PRKACB: variants seen among roughly 807,000 people sequenced by gnomAD.
PRKACB encodes protein kinase cAMP-activated catalytic subunit beta.
In PRKACB, 16 loss-of-function variants were observed where a neutral mutation model predicts 51.4. The observed-to-expected ratio is 0.31, with a 90% CI of 0.21 to 0.47. PRKACB has a LOEUF of 0.47. Ranked by LOEUF, PRKACB falls within the 20% of genes least tolerant of loss-of-function variation. The pLI is 1.00. For missense variants in PRKACB, 309 were observed against 464.5 expected, an observed-to-expected ratio of 0.67 and a Z score of 3.08; for synonymous variants, 147 against 154.4, an observed-to-expected ratio of 0.95 and a Z score of 0.35.
intron 1 of PRKACB, among the ~76,000 whole-genome samples, chr1:84,150,287 T>G (rs1654681184): frequency 6.6e-6 from 1 of 151,880 alleles, no homozygotes; most frequent in African/African-American, 2.4e-5. Flanking sequence ...CAAAATAAAT[T>G]AAAATAAAAT....
intron 9 of PRKACB, among the ~76,000 whole-genome samples, chr1:84,234,353 A>C (rs1053194818): frequency 3.3e-5 from 5 of 152,106 alleles, no homozygotes; most frequent in African/African-American, 9.6e-5. Flanking sequence ...TGCAGAGGTT[A>C]CTGCTGTCTT....
At chr1:84,138,654 A>G (rs954038753) in intron 1 of PRKACB, among the ~76,000 whole-genome samples, 3 of 152,228 alleles carry the variant, frequency 2.0e-5, no homozygotes, top group African/African-American at 7.2e-5. Flanking sequence ...GAAAAATATA[A>G]GACAGAATAC....
At chr1:84,208,474 CA>C (rs751617425) in intron 8 of PRKACB, among the ~76,000 whole-genome samples, 2 of 152,142 alleles carry the variant, frequency 1.3e-5, no homozygotes, top group Non-Finnish European at 2.9e-5. Flanking sequence ...CTCACTTTAT[CA>C]AACTTAGGAC....
rs781659021 is a variant in PRKACB, at chr1:84,192,929, G to A, written c.561-3687G>A. ...ATACGTAAGAGCCAACTAAACACAG[G>A]TGCTGAATACACAAGGCCAAATAAA... On this transcript the variant is annotated intron_variant, in intron 5 of 9. Coordinates refer to ENST00000370685, the MANE Select transcript of PRKACB (RefSeq NM_182948.4). Among the ~76,000 whole-genome samples, 158 of 152,174 alleles carry A rather than the reference G, an allele frequency of 1.0e-3. 2 individuals are homozygous for A. The highest frequency in any genetic ancestry group is 2.4e-4 in the Non-Finnish European group (16 of 68,010).
intron 7 of PRKACB, among the ~76,000 whole-genome samples, chr1:84,201,745 C>T (rs1252833883): frequency 6.6e-6 from 1 of 151,940 alleles, no homozygotes; most frequent in South Asian, 2.1e-4. Context: ...AGCAATAGAT[C>T]TGGGTAGAAT....
chr1:84,078,231 G>A, exon 1 of PRKACB: 6 of 1,404,216 alleles, frequency 4.3e-6, no homozygotes, highest in Admixed American at 2.1e-5. Context: ...CGCTCTGACG[G>A]GTGCAGACGC....
chr1:84,189,773 CA>C (rs1666209298), intron 5 of PRKACB, among the ~76,000 whole-genome samples: 1 of 151,890 alleles, frequency 6.6e-6, no homozygotes, highest in Admixed American at 6.6e-5. Context: ...GTCAAAGAAA[CA>C]GATTTTATAA....
At chr1:84,208,673 G>A (rs1671704291) in intron 8 of PRKACB, among the ~76,000 whole-genome samples, 1 of 152,050 alleles carries the variant, frequency 6.6e-6, no homozygotes, top group Admixed American at 6.6e-5. Flanking sequence ...TTCAGTTTCA[G>A]ATCATTAAAA....
intron 9 of PRKACB, among the ~76,000 whole-genome samples, chr1:84,215,842 A>G (rs901541142): frequency 6.6e-6 from 1 of 152,146 alleles, no homozygotes; most frequent in African/African-American, 2.4e-5. Flanking sequence ...TTGCATGAAT[A>G]AAGTGTTTTC....
At chr1:84,144,229 C>G, upstream of PRKACB, 1 of 1,450,818 alleles carries the variant, frequency 6.9e-7, no homozygotes, top group African/African-American at 1.5e-5. Context: ...GGAAACAGAA[C>G]AGCAGTAGTG....
intron 1 of PRKACB, among the ~76,000 whole-genome samples, chr1:84,146,491 T>TTTA (rs1274481928): frequency 6.6e-6 from 1 of 151,954 alleles, no homozygotes; most frequent in South Asian, 2.1e-4. Context: ...AAACACAATT[T>TTTA]TTATTTATTT....
chr1:84,162,230 C>T (rs1656282820), intron 1 of PRKACB, among the ~76,000 whole-genome samples: 1 of 151,966 alleles, frequency 6.6e-6, no homozygotes, highest in Non-Finnish European at 1.5e-5. Flanking sequence ...TTTCTCCTTA[C>T]CTTTCAACAA....
At chr1:84,188,876 G>A (rs895220202) in intron 5 of PRKACB, among the ~76,000 whole-genome samples, 6 of 151,762 alleles carry the variant, frequency 4.0e-5, no homozygotes, top group African/African-American at 9.7e-5. Context: ...TGGTCAAAAC[G>A]GAGTAACAGG....
At chr1:84,111,005 T>C (rs11808541) in intron 1 of PRKACB, among the ~76,000 whole-genome samples, 360 of 152,178 alleles carry the variant, frequency 2.4e-3, no homozygotes, top group African/African-American at 8.1e-3. Context: ...TTCAGGTCTT[T>C]ATCACCCTTT....
chr1:84,135,863 GAA>G (rs1206009854), intron 1 of PRKACB, among the ~76,000 whole-genome samples: 2 of 151,150 alleles, frequency 1.3e-5, no homozygotes, highest in Non-Finnish European at 3.0e-5. Flanking sequence ...ACTAGAGAAA[GAA>G]GAGCAATTTA....
chr1:84,159,194 A>T (rs1209160469), intron 1 of PRKACB, among the ~76,000 whole-genome samples: 1 of 152,150 alleles, frequency 6.6e-6, no homozygotes, highest in African/African-American at 2.4e-5. Flanking sequence ...AGATTTTCAT[A>T]GAGATTATAT....
chr1:84,230,035 A>G (rs1675341663), intron 9 of PRKACB, among the ~76,000 whole-genome samples: 1 of 151,662 alleles, frequency 6.6e-6, no homozygotes, highest in African/African-American at 2.4e-5. Flanking sequence ...GGTAATGCCT[A>G]GGTTTTCTTC....
intron 1 of PRKACB, among the ~76,000 whole-genome samples, chr1:84,128,743 A>G (rs1651886357): frequency 6.6e-6 from 1 of 152,176 alleles, no homozygotes. Flanking sequence ...ACCAAAGATT[A>G]TAGAGGTAAC....
intron 5 of PRKACB, among the ~76,000 whole-genome samples, chr1:84,186,368 G>A (rs993977914): frequency 1.3e-4 from 20 of 151,958 alleles, no homozygotes; most frequent in Non-Finnish European, 2.5e-4. Flanking sequence ...AGAGGTGTCC[G>A]CCACCACATC....
Sources: allele counts gnomAD v4.1 joint callset (sites outside exome capture counted in the v4.1 genomes callset), GRCh38; gene constraint gnomAD v4.1.1; transcripts MANE v1.5; gene names NCBI Gene and HGNC (gene_info 2026-07-23, HGNC 2026-07-21).